Variants in CPS1 observed in about 807,000 individuals in gnomAD.
CPS1 encodes the protein carbamoyl-phosphate synthase 1, also known as carbamoyl-phosphate synthase [ammonia], mitochondrial.
A neutral mutation model predicts 174.6 loss-of-function variants in CPS1; 109 were observed. That is an observed-to-expected ratio of 0.62 (90% confidence interval 0.53 to 0.73). The LOEUF is 0.73. CPS1 is among the 30% of genes least tolerant of loss of function. The probability of loss-of-function intolerance (pLI) is 0.00; values close to 1 mark genes in which losing one functional copy is unlikely to be tolerated. For synonymous variants in CPS1, 637 were observed against 632.0 expected (o/e 1.01, Z -0.12); for missense variants, 1,689 against 1,821.9 (o/e 0.93, Z 1.33).
chr2:210,507,805 A>G (rs1379540098), intron 1 of CPS1, among the ~76,000 whole-genome samples: 5 of 152,204 alleles, frequency 3.3e-5, no homozygotes, highest in Non-Finnish European at 7.3e-5. Flanking sequence ...TGGTAAAGGG[A>G]TCAATGCAAC....
rs561257521 is a variant in CPS1 at position 210,649,220 on chromosome 2, C to T, written c.3404+680C>T. On this transcript the variant is annotated intron_variant, in intron 27 of 37. Coordinates refer to ENST00000233072, the MANE Select transcript of CPS1 (RefSeq NM_001875.5). ...AATGATGAAAATGAAAAATTTCAAACGAGGTGGAAATCTTTTTATTTAAAT... is the reference window on the plus strand; with the variant it reads ...AATGATGAAAATGAAAAATTTCAAATGAGGTGGAAATCTTTTTATTTAAAT... Among the ~76,000 whole-genome samples the T allele has an allele frequency of 5.8e-4, 88 of 152,164 alleles. 2 individuals are homozygous for T. Among genetic ancestry groups the T allele is most frequent in the South Asian group, 1.7e-3 (8 of 4,820 alleles).
chr2:210,623,364 A>G (rs1230971211), intron 21 of CPS1, among the ~76,000 whole-genome samples: 1 of 152,032 alleles, frequency 6.6e-6, no homozygotes, highest in Non-Finnish European at 1.5e-5. Flanking sequence ...AAACTTTACT[A>G]TGGATTTATT....
chr2:210,660,909 G>C (rs1487616800), intron 32 of CPS1, among the ~76,000 whole-genome samples: 1 of 152,188 alleles, frequency 6.6e-6, no homozygotes, highest in African/African-American at 2.4e-5. Context: ...TGAATTATAA[G>C]CTTTTTGTGC....
intron 32 of CPS1, among the ~76,000 whole-genome samples, chr2:210,661,170 G>C (rs1700907174): frequency 6.6e-6 from 1 of 152,132 alleles, no homozygotes; most frequent in Admixed American, 6.5e-5. Flanking sequence ...TGAAATTGAT[G>C]ACACCTTTAT....
At position 210,600,660 on chromosome 2, in the gene CPS1, A is replaced by G. The variant is rs748296557; in HGVS notation, c.1655A>G (p.Asp552Gly). ...MATEDRQLFS[D>G]KLNEINEKIA... ...ACGGAAGACAGGCAGCTGTTTTCAGATAAACTAAATGAGATCAATGAAAAG... is the reference window on the plus strand; with the variant it reads ...ACGGAAGACAGGCAGCTGTTTTCAGGTAAACTAAATGAGATCAATGAAAAG... The change falls in exon 15 of 38, where the codon GAT (aspartate) becomes GGT (glycine). Residue 552 changes from aspartate (D) to glycine (G), a missense_variant. By Grantham distance (94) the Asp-to-Gly change is moderately conservative. Coordinates refer to ENST00000233072, the MANE Select transcript of CPS1 (RefSeq NM_001875.5). 6.2e-7 allele frequency: 1 copy of G among 1,612,314 alleles called. No homozygotes were observed. The highest frequency in any genetic ancestry group is 1.1e-5 in the South Asian group (1 of 91,044).
chr2:210,477,847 G>A (rs1257566307), intron 1 of CPS1: 2 of 1,468,606 alleles, frequency 1.4e-6, no homozygotes, highest in Non-Finnish European at 9.5e-7. Flanking sequence ...AAAGGAAAAC[G>A]AGAGACATTT....
intron 24 of CPS1, among the ~76,000 whole-genome samples, chr2:210,640,329 G>A (rs948116460): frequency 4.6e-5 from 7 of 152,084 alleles, no homozygotes; most frequent in South Asian, 2.1e-4. Flanking sequence ...ACTGAATTGA[G>A]CCTTTCACTG....
chr2:210,675,854 A>G lies in CPS1; in HGVS notation c.4274+14A>G, dbSNP rs779136174. 8 of 1,147,488 alleles carry G rather than the reference A, an allele frequency of 7.0e-6. No individual in the cohort carries two copies. Among genetic ancestry groups the G allele is most frequent in the Admixed American group, 3.4e-5 (2 of 59,386 alleles). 71.1% of individuals were successfully genotyped at this position (1,147,488 alleles called of 1,614,324 possible). A position where few individuals can be genotyped will look rare whatever the true frequency, so the allele number is the denominator to read the frequency against. On this transcript the variant is annotated intron_variant, in intron 36 of 37. Coordinates refer to ENST00000233072, the MANE Select transcript of CPS1 (RefSeq NM_001875.5). ...TTCCATCAGAAAGTAAGAACTAGGC[A>G]TACTGTTTTCTGAAATAATTTAGAG...
At chr2:210,630,950 A>G (rs1699848606) in intron 21 of CPS1, among the ~76,000 whole-genome samples, 2 of 151,424 alleles carry the variant, frequency 1.3e-5, no homozygotes, top group Middle Eastern at 3.2e-3. Flanking sequence ...CATATATCTT[A>G]CTCAATTCTC....
At chr2:210,546,735 G>A (rs768525219) in intron 1 of CPS1, among the ~76,000 whole-genome samples, 1 of 152,092 alleles carries the variant, frequency 6.6e-6, no homozygotes, top group East Asian at 1.9e-4. Flanking sequence ...AACTTCAGCA[G>A]ACAGAAGTTA....
chr2:210,526,680 G>T (rs991464778), intron 1 of CPS1, among the ~76,000 whole-genome samples: 1 of 151,882 alleles, frequency 6.6e-6, no homozygotes, highest in African/African-American at 2.4e-5. Flanking sequence ...TAAAACTAGA[G>T]GTTACTGTTA....
intron 1 of CPS1, among the ~76,000 whole-genome samples, chr2:210,511,986 A>G (rs928106819): frequency 2.6e-5 from 4 of 152,010 alleles, no homozygotes; most frequent in African/African-American, 9.7e-5. Flanking sequence ...TTTCAGATTC[A>G]CCAATTAATT....
intron 1 of CPS1, among the ~76,000 whole-genome samples, chr2:210,527,401 A>T (rs1696003316): frequency 6.6e-6 from 1 of 151,990 alleles, no homozygotes; most frequent in South Asian, 2.1e-4. Context: ...CACCTAGTCT[A>T]GTGGTTCCTG....
Position 210,678,505 on chromosome 2 carries a change from C to T in CPS1, c.*520C>T, listed in dbSNP as rs1701605093. 5.8e-6 allele frequency: 1 copy of T among 171,520 alleles called. No individual in the cohort carries two copies. The highest frequency in any genetic ancestry group is 1.3e-5 in the Non-Finnish European group (1 of 79,800). 10.6% of individuals were successfully genotyped at this position (171,520 alleles called of 1,614,324 possible). A position where few individuals can be genotyped will look rare whatever the true frequency, so the allele number is the denominator to read the frequency against. On this transcript the variant is annotated 3_prime_UTR_variant, in exon 38 of 38. Coordinates refer to ENST00000233072, the MANE Select transcript of CPS1 (RefSeq NM_001875.5). ...TGGATCCTCATTCTCACCCATTTGG[C>T]TAATCCAGGAATATTGTTATCCCTT... is the stretch of plus-strand genomic sequence containing the variant.
intron 21 of CPS1, among the ~76,000 whole-genome samples, chr2:210,624,219 G>T (rs1039668252): frequency 2.6e-5 from 4 of 151,936 alleles, no homozygotes; most frequent in Non-Finnish European, 2.9e-5. Flanking sequence ...TAACTCACAC[G>T]ATATTCTAAG....
At chr2:210,510,789 A>G (rs1574479757) in intron 1 of CPS1, among the ~76,000 whole-genome samples, 1 of 152,238 alleles carries the variant, frequency 6.6e-6, no homozygotes, top group Admixed American at 6.5e-5. Flanking sequence ...AATGCTCATC[A>G]TCACTGGCCA....
At position 210,606,639 on chromosome 2, in the gene CPS1, CTA is replaced by C. The variant is rs1205860018; in HGVS notation, c.1982-90_1982-89del. On this transcript the variant is annotated intron_variant, in intron 17 of 37. Transcript: ENST00000233072. ...TATCCCAACAAACCCTCAGACTGTT[CTA>C]TGTCTTGCATCGTGCAAGTAGATGG... is the stretch of plus-strand genomic sequence containing the variant. The C allele has an allele frequency of 1.2e-5, 14 of 1,154,586 alleles. No homozygotes were observed. In the East Asian group the frequency reaches 2.8e-4, roughly 23 times the overall value. The allele number at this position is 1,154,586 out of a possible 1,614,324, so 71.5% of individuals were successfully genotyped here.
intron 33 of CPS1, 106 bp from the exon 34 acceptor site, chr2:210,668,080 G>GTGTA (rs1701163078): frequency 1.4e-6 from 1 of 701,258 alleles, no homozygotes; most frequent in Non-Finnish European, 2.5e-6. Flanking sequence ...GCGTGCATGT[G>GTGTA]TGTGTGTGTG....
chr2:210,636,686 A>C (rs892109285), intron 21 of CPS1, among the ~76,000 whole-genome samples: 1 of 152,048 alleles, frequency 6.6e-6, no homozygotes, highest in African/African-American at 2.4e-5. Flanking sequence ...TCCAAGCAAA[A>C]GAGGCAGTAA....
Sources: gnomAD v4.1 joint callset for allele counts (sites outside exome capture counted in the v4.1 genomes callset) on GRCh38, gnomAD v4.1.1 for gene constraint, MANE v1.5 for transcripts, NCBI Gene and HGNC (gene_info 2026-07-23, HGNC 2026-07-21) for gene names.